Variants in MBOAT2 observed in about 807,000 individuals in gnomAD.
MBOAT2 encodes the protein membrane-bound glycerophospholipid O-acyltransferase 2.
A neutral mutation model predicts 63.4 loss-of-function variants in MBOAT2; 28 were observed. That is an observed-to-expected ratio of 0.44 (90% CI 0.33 to 0.61). The LOEUF is 0.61. Ranked by LOEUF, MBOAT2 falls within the 20% of genes least tolerant of loss-of-function variation. MBOAT2 has a pLI of 0.03. For missense variants in MBOAT2, 470 were observed against 605.8 expected (o/e 0.78, Z 2.35); for synonymous variants, 211 against 215.6 (o/e 0.98, Z 0.19).
At chr2:8,944,648 GACACACACACACACACACAC>G (rs61107364) in intron 2 of MBOAT2, among the ~76,000 whole-genome samples, 1 of 140,144 alleles carries the variant, frequency 7.1e-6, no homozygotes, top group Non-Finnish European at 1.6e-5. Context: ...CTGTTTGACT[GACACACACACACACACACAC>G]ACACACACAC....
At chr2:8,962,461 G>C (rs926833741) in intron 1 of MBOAT2, among the ~76,000 whole-genome samples, 4 of 152,194 alleles carry the variant, frequency 2.6e-5, no homozygotes, top group Non-Finnish European at 5.9e-5. Context: ...ATTGTTAGCA[G>C]AAGTGATGTG....
At chr2:8,912,851 T>G (rs943774225) in intron 3 of MBOAT2, among the ~76,000 whole-genome samples, 2 of 152,140 alleles carry the variant, frequency 1.3e-5, no homozygotes, top group African/African-American at 4.8e-5. Flanking sequence ...GTTCTAAAAT[T>G]CATATGGAAC....
chr2:8,945,704 T>C (rs1206935273), intron 2 of MBOAT2, among the ~76,000 whole-genome samples: 1 of 152,162 alleles, frequency 6.6e-6, no homozygotes, highest in Non-Finnish European at 1.5e-5. Context: ...TCTTTTAAGC[T>C]ACCTAAAAAG....
intron 4 of MBOAT2, among the ~76,000 whole-genome samples, chr2:8,902,559 C>T (rs1219815332): frequency 6.6e-6 from 1 of 151,756 alleles, no homozygotes; most frequent in Non-Finnish European, 1.5e-5. Context: ...ACTGTTACAG[C>T]TCTTAAAGGC....
chr2:8,860,644 G>GA lies in MBOAT2; in HGVS notation c.1305dup (p.Leu436SerfsTer41). The GA allele has an allele frequency of 6.2e-7, 1 of 1,613,200 alleles. No individual in the cohort carries two copies. Among genetic ancestry groups the GA allele is most frequent in the Admixed American group, 1.7e-5 (1 of 59,884 alleles). Reference sequence around the variant, plus strand: ...AACGTGAGTGATGGTTTTATAGAAAGAAGCACAAATGGCACAACTGTGTAA... The same window carrying GA: ...AACGTGAGTGATGGTTTTATAGAAAGAAAGCACAAATGGCACAACTGTGTAA... On this transcript the variant is annotated frameshift_variant, in exon 12 of 13. Coordinates refer to ENST00000305997, the MANE Select transcript of MBOAT2 (RefSeq NM_138799.4). LOFTEE classifies it low-confidence loss of function (END_TRUNC).
chr2:8,931,297 T>A (rs1006495072), intron 3 of MBOAT2, among the ~76,000 whole-genome samples: 19 of 152,234 alleles, frequency 1.2e-4, no homozygotes, highest in Non-Finnish European at 1.3e-4. Flanking sequence ...GAGCTTTTTT[T>A]AATATGTTTG....
chr2:8,877,868 C>T (rs1181476850), intron 6 of MBOAT2, among the ~76,000 whole-genome samples: 2 of 151,980 alleles, frequency 1.3e-5, no homozygotes, highest in African/African-American at 2.4e-5. Flanking sequence ...GCAAGGCAGC[C>T]GTGGGGCTGG....
intron 1 of MBOAT2, among the ~76,000 whole-genome samples, chr2:8,973,568 C>CAAAAAAA (rs1573216500): frequency 8.0e-6 from 1 of 124,612 alleles, no homozygotes; most frequent in Admixed American, 7.5e-5. Flanking sequence ...AAAAAAAAAG[C>CAAAAAAA]AACAATATAA....
intron 2 of MBOAT2, among the ~76,000 whole-genome samples, chr2:8,944,910 T>G (rs1367370355): frequency 6.6e-6 from 1 of 152,198 alleles, no homozygotes; most frequent in Non-Finnish European, 1.5e-5. Context: ...CCTTAAGGGC[T>G]TCTTAAACTG....
In MBOAT2 at chr2:8,911,738, C is replaced by T. The variant is rs796159508; in HGVS notation, c.300-3022G>A. Among the ~76,000 whole-genome samples, 13 of 152,276 alleles carry T rather than the reference C, an allele frequency of 8.5e-5. No homozygotes were observed. The South Asian group carries it at 2.5e-3, about 29-fold the overall frequency. ...TCTGCACACACTGGCTCCCCTTTACCTTCTGCCACATGTAGAAGCAGCCTA... is the reference window on the plus strand; with the variant it reads ...TCTGCACACACTGGCTCCCCTTTACTTTCTGCCACATGTAGAAGCAGCCTA... On this transcript the variant is annotated intron_variant, in intron 3 of 12. Coordinates refer to ENST00000305997, the MANE Select transcript of MBOAT2 (RefSeq NM_138799.4).
chr2:8,884,415 A>G (rs1046053948), intron 5 of MBOAT2, among the ~76,000 whole-genome samples: 5 of 151,874 alleles, frequency 3.3e-5, no homozygotes, highest in African/African-American at 1.2e-4. Flanking sequence ...ACCCCAAAAA[A>G]GGGTAATTCC....
At position 8,930,040 on chromosome 2, in the gene MBOAT2, C is replaced by A. The variant is rs911720731; in HGVS notation, c.299+13147G>T. ...TGTTAAAAGCCCATTTTTCTGTGAC[C>A]AGCAGACCTTATCTATGTCCCAGTT... On this transcript the variant is annotated intron_variant, in intron 3 of 12. Coordinates refer to ENST00000305997, the MANE Select transcript of MBOAT2 (RefSeq NM_138799.4). Among the ~76,000 whole-genome samples the A allele has an allele frequency of 2.6e-5, 4 of 152,142 alleles. No homozygotes were observed. The East Asian group carries it at 7.7e-4, about 29-fold the overall frequency.
chr2:8,869,437 CT>C (rs766295162), intron 8 of MBOAT2, among the ~76,000 whole-genome samples: 39 of 152,110 alleles, frequency 2.6e-4, no homozygotes, highest in Non-Finnish European at 5.1e-4. Flanking sequence ...AAATTTCTGC[CT>C]CAAATAAGCC....
chr2:8,899,225 C>T (rs1417790656), intron 4 of MBOAT2, among the ~76,000 whole-genome samples: 2 of 152,150 alleles, frequency 1.3e-5, no homozygotes, highest in African/African-American at 4.8e-5. Context: ...CCCATATTCA[C>T]GTAGATAATA....
intron 1 of MBOAT2, among the ~76,000 whole-genome samples, chr2:8,990,805 T>G (rs2103361296): frequency 6.6e-6 from 1 of 152,336 alleles, no homozygotes; most frequent in Non-Finnish European, 1.5e-5. Flanking sequence ...TTTCCTTTAC[T>G]ATGTGGCTTT....
In MBOAT2 at chr2:8,971,595, C is replaced by T. The variant is rs77895206; in HGVS notation, c.76-12953G>A. On this transcript the variant is annotated intron_variant, in intron 1 of 12. Coordinates refer to ENST00000305997, the MANE Select transcript of MBOAT2 (RefSeq NM_138799.4). Reference sequence around the variant, plus strand: ...TCAAATTGTCCCTGTTTGCAGATAACATAATTGTATATTTAGAAAACCCCA... The same window carrying T: ...TCAAATTGTCCCTGTTTGCAGATAATATAATTGTATATTTAGAAAACCCCA... Among the ~76,000 whole-genome samples the T allele has an allele frequency of 3.5e-4, 54 of 152,324 alleles. No homozygotes were observed. The East Asian group carries it at 8.9e-3, about 25-fold the overall frequency.
intron 1 of MBOAT2, among the ~76,000 whole-genome samples, chr2:8,986,802 C>G (rs1287314651): frequency 6.6e-6 from 1 of 152,128 alleles, no homozygotes; most frequent in East Asian, 1.9e-4. Flanking sequence ...AGGGCTTGCT[C>G]TCTCTTTCGC....
At chr2:8,912,115 C>A (rs939933685) in intron 3 of MBOAT2, among the ~76,000 whole-genome samples, 1 of 151,758 alleles carries the variant, frequency 6.6e-6, no homozygotes, top group African/African-American at 2.4e-5. Flanking sequence ...CCACCTATGA[C>A]AAACCCACAG....
intron 4 of MBOAT2, among the ~76,000 whole-genome samples, chr2:8,892,359 C>T (rs1231407217): frequency 2.0e-5 from 3 of 152,128 alleles, no homozygotes. Context: ...CCACTGACAC[C>T]AAGTAACCCC....
Sources: allele counts gnomAD v4.1 joint callset (sites outside exome capture counted in the v4.1 genomes callset), GRCh38; gene constraint gnomAD v4.1.1; transcripts MANE v1.5; gene names NCBI Gene and HGNC (gene_info 2026-07-23, HGNC 2026-07-21).